The following ADAMTS7 variants were observed in gnomAD, a reference collection of about 807,000 sequenced individuals.
ADAMTS7 encodes the protein A disintegrin and metalloproteinase with thrombospondin motifs 7.
Under a neutral mutation model 172.6 loss-of-function variants are expected in ADAMTS7, and 89 were observed. The observed-to-expected ratio is 0.52, with a 90% CI of 0.43 to 0.61. ADAMTS7 has a LOEUF of 0.61. ADAMTS7 is among the 20% of genes least tolerant of loss of function. ADAMTS7 has a pLI of 0.00. For synonymous variants in ADAMTS7, 885 were observed against 978.4 expected (o/e 0.90, Z 1.78); for missense variants, 1,973 against 2,355.6 (o/e 0.84, Z 3.36).
chr15:78,799,523 A>G (rs1380186273), intron 2 of ADAMTS7, among the ~76,000 whole-genome samples: 3 of 130,730 alleles, frequency 2.3e-5, no homozygotes. Context: ...GTTCCTCACC[A>G]CACCCTGCAT....
At chr15:78,800,859 A>G (rs11634450) in intron 1 of ADAMTS7, among the ~76,000 whole-genome samples, 49,711 of 151,978 alleles carry the variant, frequency 0.33, 9,389 homozygotes, top group Non-Finnish European at 0.44. Flanking sequence ...TGCAACCTCC[A>G]CCTCAGGAGT....
intron 1 of ADAMTS7, among the ~76,000 whole-genome samples, chr15:78,808,036 TG>T (rs2055818916): frequency 6.6e-6 from 1 of 151,984 alleles, no homozygotes; most frequent in African/African-American, 2.4e-5. Flanking sequence ...TAAATTTTTT[TG>T]TAGAGATGGG....
At position 78,774,752 on chromosome 15, in the gene ADAMTS7, C is replaced by T. The variant is rs1247308182; in HGVS notation, c.1748G>A (p.Arg583His). 5.6e-6 allele frequency: 9 copies of T among 1,611,080 alleles called. No homozygotes were observed. The highest frequency in any genetic ancestry group is 7.6e-6 in the Non-Finnish European group (9 of 1,179,512). ...KGRYCVGERKRFRLCNLQACP... is the reference protein window; with the variant it reads ...KGRYCVGERKHFRLCNLQACP... ...GGCCTGCAGGTTGCAGAGGCGGAAG[C>T]GCTTGCGCTCACCCACACAGTATCT... Residue 583 changes from arginine to histidine, a missense_variant, in exon 12 of 24, where the codon CGC becomes CAC. Arg to His is a conservative substitution (Grantham distance 29). Transcript: ENST00000388820.
At chr15:78,800,674 C>T in intron 1 of ADAMTS7, 127 bp from the exon 2 acceptor site, 1 of 826,300 alleles carries the variant, frequency 1.2e-6, no homozygotes. Context: ...CAAATCCTCG[C>T]CGGGCTATCT....
intron 8 of ADAMTS7, among the ~76,000 whole-genome samples, chr15:78,782,943 T>G (rs942867446): frequency 6.6e-6 from 1 of 151,798 alleles, no homozygotes; most frequent in Non-Finnish European, 1.5e-5. Flanking sequence ...CCAGGAATGG[T>G]AGACATACAT....
In ADAMTS7 at chr15:78,774,733, C is replaced by G. The variant is rs567305419; in HGVS notation, c.1767G>C (p.Leu589=). 105 of 1,611,432 alleles carry G rather than the reference C, an allele frequency of 6.5e-5. No individual in the cohort carries two copies. Among genetic ancestry groups the G allele is most frequent in the Non-Finnish European group, 8.4e-5 (99 of 1,179,756 alleles). ...GERKRFRLCN[L]QACPAGRPSF... is the part of the protein sequence containing the mutation. Reference sequence around the variant, plus strand: ...AGGGGCGGCCAGCAGGGCAGGCCTGCAGGTTGCAGAGGCGGAAGCGCTTGC... The same window carrying G: ...AGGGGCGGCCAGCAGGGCAGGCCTGGAGGTTGCAGAGGCGGAAGCGCTTGC... The change falls in exon 12 of 24, where the codon CTG becomes CTC. Residue 589 remains leucine (L), a synonymous_variant. Transcript: ENST00000388820.
intron 16 of ADAMTS7, among the ~76,000 whole-genome samples, chr15:78,770,280 A>C (rs1392268362): frequency 6.6e-6 from 1 of 151,776 alleles, no homozygotes; most frequent in African/African-American, 2.4e-5. Flanking sequence ...CCAGTTCTCC[A>C]GTTTCACTTT....
At chr15:78,798,527 T>C (rs1415777857) in intron 2 of ADAMTS7, among the ~76,000 whole-genome samples, 4 of 152,202 alleles carry the variant, frequency 2.6e-5, no homozygotes, top group African/African-American at 9.6e-5. Flanking sequence ...TTTCCAGCAC[T>C]GTGCTCCCTC....
In ADAMTS7 at chr15:78,771,453, A is replaced by T; in HGVS notation, c.2376+132T>A. On this transcript the variant is annotated intron_variant, in intron 15 of 23. Transcript: ENST00000388820. The surrounding 1 kb of genome is among the most constrained non-coding windows in gnomAD (Gnocchi z 4.9). The stretch of plus-strand genomic sequence containing the variant: ...AAACTGAGGTAGAGGCCGCAGCAGG[A>T]GGGCCTGGCTCAGAGCCAGGCTCTG... The T allele has an allele frequency of 6.5e-7, 1 of 1,533,912 alleles. No homozygotes were observed.
In ADAMTS7 at chr15:78,761,632, G is replaced by A. The variant is rs528336132; in HGVS notation, c.4903+771C>T. On this transcript the variant is annotated intron_variant, in intron 23 of 23. Transcript: ENST00000388820. Reference sequence around the variant, plus strand: ...AAATGGAGCCCAAGGCCACACAGCTGGTGAGGGGAGCCTAGGTGACACTCC... The same window carrying A: ...AAATGGAGCCCAAGGCCACACAGCTAGTGAGGGGAGCCTAGGTGACACTCC... 5.9e-5 allele frequency among the ~76,000 whole-genome samples: 9 copies of A among 152,348 alleles called. No homozygotes were observed. In the South Asian group the frequency reaches 1.9e-3, roughly 32 times the overall value.
intron 1 of ADAMTS7, among the ~76,000 whole-genome samples, chr15:78,805,302 C>T (rs1375243410): frequency 2.0e-5 from 3 of 152,208 alleles, no homozygotes; most frequent in Non-Finnish European, 2.9e-5. Flanking sequence ...TTGGCTGACA[C>T]AAATATTGAA....
intron 16 of ADAMTS7, among the ~76,000 whole-genome samples, chr15:78,770,085 C>T (rs1488652833): frequency 6.6e-6 from 1 of 152,084 alleles, no homozygotes; most frequent in Non-Finnish European, 1.5e-5. Flanking sequence ...ATCGCTGGAG[C>T]CTGGGAGGCG....
At chr15:78,768,717 T>C (rs1276419424) in intron 16 of ADAMTS7, among the ~76,000 whole-genome samples, 3 of 152,162 alleles carry the variant, frequency 2.0e-5, no homozygotes. Context: ...CCAGCTGCTG[T>C]TAGCATGCAA....
At chr15:78,792,783 C>T (rs762610650) in intron 4 of ADAMTS7, among the ~76,000 whole-genome samples, 3 of 151,882 alleles carry the variant, frequency 2.0e-5, no homozygotes, top group Non-Finnish European at 4.4e-5. Flanking sequence ...CACTGCACTC[C>T]GACCTGGGCG....
intron 22 of ADAMTS7, 151 bp downstream of exon 22, chr15:78,763,548 T>C: frequency 9.2e-7 from 1 of 1,082,178 alleles, no homozygotes; most frequent in Non-Finnish European, 1.2e-6. Context: ...CCCTGGCAGG[T>C]GTGAGCACCA....
At position 78,791,130 on chromosome 15, in the gene ADAMTS7, G is replaced by A. The variant is rs1342628533; in HGVS notation, c.903+10C>T. On this transcript the variant is annotated intron_variant, in intron 5 of 23. Transcript: ENST00000388820. ...ATTGCCGGGCAGCGTGGGACCACAT[G>A]ACCACTCACCTCCTCATCTTCCAGC... The A allele has an allele frequency of 1.2e-6, 2 of 1,611,726 alleles. No homozygotes were observed. The highest frequency in any genetic ancestry group is 2.2e-5 in the East Asian group (1 of 44,864).
chr15:78,766,787 C>A lies in ADAMTS7; in HGVS notation c.3124G>T (p.Gly1042Cys). ...GGAGCCTCCTCCTCAATGGCGTTGC[C>A]CATGGTGCCTGGCTTGGGTGATGAG... ...PASSPKPGTM[G>C]NAIEEEAPEL... is the part of the protein sequence containing the mutation. Residue 1042 changes from glycine (G) to cysteine (C), a missense_variant, in exon 19 of 24, where the codon GGC becomes TGC. Gly to Cys is a radical substitution (Grantham distance 159). Around this residue, in one of 8 missense-constraint regions of ADAMTS7, gnomAD observed 771 missense variants for 952.6 expected, o/e 0.81. Coordinates refer to ENST00000388820, the MANE Select transcript of ADAMTS7 (RefSeq NM_014272.5). 5.6e-6 allele frequency: 9 copies of A among 1,610,620 alleles called. No individual in the cohort carries two copies. The highest frequency in any genetic ancestry group is 7.6e-6 in the Non-Finnish European group (9 of 1,179,834).
chr15:78,773,031 G>A (rs2055276970), intron 14 of ADAMTS7, 52 bp downstream of exon 14: 2 of 1,439,002 alleles, frequency 1.4e-6, no homozygotes, highest in Non-Finnish European at 9.5e-7. Flanking sequence ...AGATGGGGAA[G>A]GGGCCATCAG....
chr15:78,786,208 G>T (rs1157553634), intron 8 of ADAMTS7, among the ~76,000 whole-genome samples: 2 of 151,970 alleles, frequency 1.3e-5, no homozygotes, highest in African/African-American at 4.8e-5. Context: ...GGGATTACAG[G>T]CATAAGCCAC....
Sources: allele counts gnomAD v4.1 joint callset (sites outside exome capture counted in the v4.1 genomes callset), GRCh38; gene constraint gnomAD v4.1.1; regional missense constraint gnomAD v4.1.1; non-coding constraint Gnocchi (gnomAD v3.1); transcripts MANE v1.5; gene names NCBI Gene and HGNC (gene_info 2026-07-23, HGNC 2026-07-21).